Variants in FRMPD4 observed in about 807,000 individuals in gnomAD.
FRMPD4 encodes FERM and PDZ domain-containing protein 4.
A neutral mutation model predicts 94.1 loss-of-function variants in FRMPD4; 22 were observed. That is an observed-to-expected ratio of 0.23 (90% CI 0.17 to 0.33). The LOEUF is 0.33. Ranked by LOEUF, FRMPD4 falls within the 10% of genes least tolerant of loss-of-function variation. FRMPD4 has a pLI of 1.00. For missense variants in FRMPD4, 1,111 were observed against 1,339.9 expected, an observed-to-expected ratio of 0.83 and a Z score of 2.67; for synonymous variants, 631 against 548.6, an observed-to-expected ratio of 1.15 and a Z score of -2.10.
At chrX:12,176,861 A>G (rs935923514) in intron 1 of FRMPD4, among the ~76,000 whole-genome samples, 1 of 112,200 alleles carries the variant, frequency 8.9e-6, no homozygotes, top group Non-Finnish European at 1.9e-5. Context: ...CTGGCCTGCC[A>G]TAGTCATGTC....
rs145485387 is a variant in FRMPD4, at chrX:12,605,272, C to G, written c.159-4449C>G. Among the ~76,000 whole-genome samples, 566 of 112,487 alleles carry G rather than the reference C, an allele frequency of 5.0e-3. 3 individuals carry two copies. The highest frequency in any genetic ancestry group is 0.017 in the African/African-American group (540 of 30,967). On this transcript the variant is annotated intron_variant, in intron 2 of 16. Transcript: ENST00000675598. ...ATGTGGACACATCAGGACACGAGAA[C>G]TGCATGCTCATAGGCAACATGCTCA... is the stretch of plus-strand genomic sequence containing the variant.
At chrX:12,290,271 C>T (rs1339171958) in intron 1 of FRMPD4, among the ~76,000 whole-genome samples, 2 of 111,898 alleles carry the variant, frequency 1.8e-5, no homozygotes, top group Non-Finnish European at 3.8e-5. Flanking sequence ...AGTCCAAAAA[C>T]GATTCAGGTA....
intron 2 of FRMPD4, among the ~76,000 whole-genome samples, chrX:12,575,231 G>A: frequency 9.0e-6 from 1 of 110,886 alleles, no homozygotes; most frequent in South Asian, 3.9e-4. Context: ...GAATCTATAA[G>A]GTCAACTATC....
intron 2 of FRMPD4, among the ~76,000 whole-genome samples, chrX:12,595,138 GT>G (rs753548440): frequency 8.9e-6 from 1 of 111,874 alleles, no homozygotes; most frequent in Non-Finnish European, 1.9e-5. Context: ...CAACTGAAAG[GT>G]TAGATAACAT....
intron 3 of FRMPD4, among the ~76,000 whole-genome samples, chrX:12,008,706 G>A: frequency 8.9e-6 from 1 of 112,283 alleles, no homozygotes; most frequent in Middle Eastern, 4.6e-3. Flanking sequence ...TGAATACCAA[G>A]AAGGAAGGCC....
chrX:11,864,652 C>G (rs778177985), intron 1 of FRMPD4, among the ~76,000 whole-genome samples: 2 of 111,228 alleles, frequency 1.8e-5, no homozygotes, highest in African/African-American at 3.3e-5. Context: ...AATTGACGTC[C>G]TGTTTATCCA....
intron 2 of FRMPD4, among the ~76,000 whole-genome samples, chrX:12,598,989 C>G (rs181266918): frequency 8.9e-6 from 1 of 112,017 alleles, no homozygotes. Context: ...TGTCTTAGAT[C>G]GGGATTTCTG....
chrX:12,664,627 G>A (rs777853983), intron 4 of FRMPD4, among the ~76,000 whole-genome samples: 3 of 111,821 alleles, frequency 2.7e-5, no homozygotes, highest in South Asian at 3.7e-4. Flanking sequence ...GAGGATTTTC[G>A]CATTGATGTT....
chrX:12,562,730 T>G (rs757222780), intron 2 of FRMPD4, among the ~76,000 whole-genome samples: 32 of 112,828 alleles, frequency 2.8e-4, no homozygotes, highest in Non-Finnish European at 5.2e-4. Flanking sequence ...TTGGCTAAAA[T>G]CTGTCATGAG....
intron 1 of FRMPD4, among the ~76,000 whole-genome samples, chrX:12,297,477 GGGAATTGTGGGAAAGAAC>G (rs1396398564): frequency 8.9e-6 from 1 of 111,923 alleles, no homozygotes; most frequent in African/African-American, 3.3e-5. Context: ...GAGTATGACA[GGGAATTGTGGGAAAGAAC>G]GGAATTGTGG....
intron 1 of FRMPD4, among the ~76,000 whole-genome samples, chrX:12,400,366 A>G (rs1353600136): frequency 8.9e-6 from 1 of 112,106 alleles, no homozygotes; most frequent in Non-Finnish European, 1.9e-5. Flanking sequence ...GAGAGAAAAC[A>G]CCAACTGGCA....
At chrX:12,191,916 T>A (rs1601680395) in intron 1 of FRMPD4, among the ~76,000 whole-genome samples, 2 of 111,907 alleles carry the variant, frequency 1.8e-5, no homozygotes, top group African/African-American at 6.5e-5. Flanking sequence ...TTGATTGTAA[T>A]AAATGTACCA....
chrX:12,171,599 G>A (rs111243014), intron 1 of FRMPD4, among the ~76,000 whole-genome samples: 1,117 of 111,507 alleles, frequency 0.01, 16 homozygotes, highest in African/African-American at 0.035. Flanking sequence ...AGCCAGAGTT[G>A]TAGTGGTTAC....
intron 1 of FRMPD4, among the ~76,000 whole-genome samples, chrX:12,414,882 A>G (rs768289692): frequency 7.1e-5 from 8 of 112,304 alleles, no homozygotes; most frequent in Admixed American, 1.9e-4. Flanking sequence ...GTCTGACTCC[A>G]TAGTTCTACT....
intron 3 of FRMPD4, among the ~76,000 whole-genome samples, chrX:11,996,697 A>G (rs989134919): frequency 8.9e-6 from 1 of 111,958 alleles, no homozygotes; most frequent in Non-Finnish European, 1.9e-5. Context: ...TAGGTGCTTA[A>G]TCATAGGTTA....
At chrX:11,858,250 C>T (rs894738914) in intron 1 of FRMPD4, among the ~76,000 whole-genome samples, 1 of 111,505 alleles carries the variant, frequency 9.0e-6, no homozygotes, top group Non-Finnish European at 1.9e-5. Context: ...GACATATGTA[C>T]GTGTATGCTC....
At chrX:12,632,640 A>G (rs1191869382) in intron 4 of FRMPD4, among the ~76,000 whole-genome samples, 2 of 111,473 alleles carry the variant, frequency 1.8e-5, no homozygotes, top group East Asian at 5.6e-4. Context: ...GGAGGTGGTA[A>G]TGAGGCAAGT....
chrX:11,915,551 G>A (rs2054020236), intron 3 of FRMPD4, among the ~76,000 whole-genome samples: 1 of 112,672 alleles, frequency 8.9e-6, no homozygotes, highest in East Asian at 2.8e-4. Context: ...CAATATGGTA[G>A]CAACTAGCTA....
intron 3 of FRMPD4, among the ~76,000 whole-genome samples, chrX:12,071,558 C>T (rs1410143313): frequency 8.9e-6 from 1 of 111,836 alleles, no homozygotes; most frequent in Non-Finnish European, 1.9e-5. Flanking sequence ...AAACAAGGAG[C>T]TTACTCAGAG....
Sources: allele counts gnomAD v4.1 joint callset (sites outside exome capture counted in the v4.1 genomes callset), GRCh38; gene constraint gnomAD v4.1.1; transcripts MANE v1.5; gene names NCBI Gene and HGNC (gene_info 2026-07-23, HGNC 2026-07-21).